RARB: variants seen among roughly 807,000 people sequenced by gnomAD.
RARB encodes the protein retinoic acid receptor beta, also known as HBV-activated protein.
In RARB, 17 loss-of-function variants were observed where a neutral mutation model predicts 51.9. The observed-to-expected ratio is 0.33, with a 90% CI of 0.22 to 0.49. The LOEUF is 0.49. Among genes scored for constraint, RARB ranks in the 20% least tolerant of loss-of-function variants. The probability of loss-of-function intolerance (pLI) is 0.99; values close to 1 mark genes in which losing one functional copy is unlikely to be tolerated. For missense variants in RARB, 369 were observed against 550.8 expected (o/e 0.67, Z 3.30); for synonymous variants, 215 against 195.4 (o/e 1.10, Z -0.84).
intron 5 of RARB, among the ~76,000 whole-genome samples, chr3:25,233,430 G>A (rs1284375033): frequency 6.6e-6 from 1 of 152,052 alleles, no homozygotes; most frequent in Non-Finnish European, 1.5e-5. Context: ...TAGGAGGTTT[G>A]TGTGTGTGGG....
chr3:24,896,652 T>C (rs1703485652), intron 2 of RARB, among the ~76,000 whole-genome samples: 1 of 152,156 alleles, frequency 6.6e-6, no homozygotes. Flanking sequence ...CACTGAACTG[T>C]ATGCTTAAAA....
At chr3:24,922,882 AACT>A (rs1378971950) in intron 2 of RARB, among the ~76,000 whole-genome samples, 3 of 152,188 alleles carry the variant, frequency 2.0e-5, no homozygotes, top group Non-Finnish European at 4.4e-5. Flanking sequence ...CTTCATGGTC[AACT>A]TGGCTAGGGA....
At chr3:24,902,419 T>C (rs1026721331) in intron 2 of RARB, among the ~76,000 whole-genome samples, 1 of 152,144 alleles carries the variant, frequency 6.6e-6, no homozygotes. Flanking sequence ...TTTCCCACTT[T>C]TTGTCCACCC....
intron 3 of RARB, among the ~76,000 whole-genome samples, chr3:25,076,620 G>A (rs1334122807): frequency 6.6e-6 from 1 of 152,056 alleles, no homozygotes; most frequent in Non-Finnish European, 1.5e-5. Context: ...TTACCTGAAC[G>A]TTTACATATT....
intron 2 of RARB, among the ~76,000 whole-genome samples, chr3:24,876,127 T>C (rs1703038491): frequency 6.6e-6 from 1 of 152,172 alleles, no homozygotes; most frequent in Non-Finnish European, 1.5e-5. Context: ...CAATGCATCT[T>C]ATTACTGATA....
At chr3:25,440,790 TA>T (rs903295960) in intron 1 of RARB, among the ~76,000 whole-genome samples, 8 of 151,146 alleles carry the variant, frequency 5.3e-5, no homozygotes, top group Non-Finnish European at 7.4e-5. Flanking sequence ...AATAAAAAAT[TA>T]AAAAAAAATC....
Position 25,269,547 on chromosome 3 carries a change from T to C in RARB, c.178+94972T>C, listed in dbSNP as rs528305112. On this transcript the variant is annotated intron_variant, in intron 5 of 11. Coordinates refer to the RARB transcript ENST00000383772. ...ACTAACAGGAAGAGCTGCTTCTTCATTGAATAGGTGTGAAGATCCAGTAAG... is the reference window on the plus strand; with the variant it reads ...ACTAACAGGAAGAGCTGCTTCTTCACTGAATAGGTGTGAAGATCCAGTAAG... Among the ~76,000 whole-genome samples the C allele has an allele frequency of 1.4e-4, 21 of 152,314 alleles. 1 individual carries two copies. Among genetic ancestry groups the C allele is most frequent in the Admixed American group, 4.6e-4 (7 of 15,290 alleles).
chr3:25,203,939 G>A (rs144590851), intron 5 of RARB, among the ~76,000 whole-genome samples: 1,602 of 152,158 alleles, frequency 0.011, 34 homozygotes, highest in African/African-American at 0.037. Context: ...GTATCTTTGG[G>A]GAGTTCTGTG....
intron 5 of RARB, among the ~76,000 whole-genome samples, chr3:25,283,892 G>A (rs184626170): frequency 1.3e-5 from 2 of 152,256 alleles, no homozygotes; most frequent in East Asian, 1.9e-4. Flanking sequence ...CCACCTCCTG[G>A]CATTCACTCC....
At chr3:24,985,352 T>G (rs966393397) in intron 2 of RARB, among the ~76,000 whole-genome samples, 4 of 150,966 alleles carry the variant, frequency 2.6e-5, no homozygotes, top group South Asian at 2.1e-4. Flanking sequence ...TTTTTTTGTT[T>G]TTTTTTTTTT....
At chr3:25,007,774 T>G (rs1338330548) in intron 2 of RARB, among the ~76,000 whole-genome samples, 3 of 152,008 alleles carry the variant, frequency 2.0e-5, no homozygotes, top group Admixed American at 6.6e-5. Context: ...TGTTTTAATC[T>G]TCATTTTCAA....
At chr3:25,026,308 A>G (rs1237163857) in intron 2 of RARB, among the ~76,000 whole-genome samples, 1 of 152,152 alleles carries the variant, frequency 6.6e-6, no homozygotes, top group Non-Finnish European at 1.5e-5. Flanking sequence ...AACAATAGAA[A>G]TTTATTTTCT....
rs371210912 is a variant in RARB, at chr3:24,905,176, A to C, written c.-380+46424A>C. Among the ~76,000 whole-genome samples the C allele has an allele frequency of 5.1e-4, 77 of 152,294 alleles. 1 individual carries two copies. In the South Asian group the frequency reaches 0.015, roughly 30 times the overall value. ...AAAGCCTTTACCACAGGGCTATAGAAGGTGAATCTGTGACTCATTTATTTC... is the reference window on the plus strand; with the variant it reads ...AAAGCCTTTACCACAGGGCTATAGACGGTGAATCTGTGACTCATTTATTTC... On this transcript the variant is annotated intron_variant, in intron 2 of 11. Transcript: ENST00000383772.
chr3:24,891,235 A>C (rs1395238652), intron 2 of RARB, among the ~76,000 whole-genome samples: 1 of 152,204 alleles, frequency 6.6e-6, no homozygotes, highest in East Asian at 1.9e-4. Context: ...ATTTTCATTT[A>C]GATTATCTTC....
chr3:25,038,606 C>G (rs1050406333), intron 2 of RARB, among the ~76,000 whole-genome samples: 2 of 152,094 alleles, frequency 1.3e-5, no homozygotes, highest in South Asian at 4.1e-4. Context: ...CATAAAAGTG[C>G]AATTTAGCAC....
chr3:24,876,483 C>T (rs1257542892), intron 2 of RARB, among the ~76,000 whole-genome samples: 2 of 152,010 alleles, frequency 1.3e-5, no homozygotes, highest in African/African-American at 4.8e-5. Context: ...GAAAAAGAAT[C>T]AGGTAGCTCA....
intron 5 of RARB, among the ~76,000 whole-genome samples, chr3:25,210,777 C>T (rs1226585244): frequency 3.3e-5 from 5 of 151,846 alleles, no homozygotes; most frequent in Non-Finnish European, 5.9e-5. Flanking sequence ...TCAAGTGAAT[C>T]GCCCACCTCA....
At chr3:24,948,353 C>T (rs897146404) in intron 2 of RARB, among the ~76,000 whole-genome samples, 2 of 152,150 alleles carry the variant, frequency 1.3e-5, no homozygotes, top group African/African-American at 4.8e-5. Context: ...CCTCCATTTC[C>T]TAGCTAGGTA....
intron 5 of RARB, among the ~76,000 whole-genome samples, chr3:25,316,133 A>T (rs1378305438): frequency 6.6e-6 from 1 of 152,186 alleles, no homozygotes; most frequent in South Asian, 2.1e-4. Flanking sequence ...TATTGTCTGT[A>T]TAAGCTTTTT....
Sources: allele counts gnomAD v4.1 joint callset (sites outside exome capture counted in the v4.1 genomes callset), GRCh38; gene constraint gnomAD v4.1.1; transcripts MANE v1.5; gene names NCBI Gene and HGNC (gene_info 2026-07-23, HGNC 2026-07-21).